The following FAM200B variants were observed in gnomAD, a reference collection of about 807,000 sequenced individuals.
FAM200B encodes zinc finger BED-type containing 11.
Under a neutral mutation model 33.1 loss-of-function variants are expected in FAM200B, and 32 were observed. The ratio of observed to expected loss-of-function variants is 0.97; its 90% CI spans 0.73 to 1.30. The LOEUF (loss-of-function observed/expected upper bound fraction) is 1.30. Ranked by LOEUF, FAM200B falls within the 50% of genes most tolerant of loss-of-function variation. The pLI is 0.00. For missense variants in FAM200B, 741 were observed against 754.0 expected, an observed-to-expected ratio of 0.98 and a Z score of 0.20; for synonymous variants, 240 against 264.8, an observed-to-expected ratio of 0.91 and a Z score of 0.91.
At chr4:15,640,640 T>G in the FAM200B span, 1 of 424,718 alleles carries the variant, frequency 2.4e-6, no homozygotes, top group East Asian at 3.7e-5. Flanking sequence ...TTTTTTCCCT[T>G]GGGTTTTCTT....
the FAM200B span, among the ~76,000 whole-genome samples, chr4:15,655,567 A>T: frequency 6.6e-6 from 1 of 152,074 alleles, no homozygotes; most frequent in Non-Finnish European, 1.5e-5. Context: ...AAGGAACCCA[A>T]ACCTTTTCCC....
chr4:15,653,830 C>G, the FAM200B span, among the ~76,000 whole-genome samples: 4 of 152,196 alleles, frequency 2.6e-5, no homozygotes, highest in African/African-American at 7.2e-5. Context: ...GCATACTGCA[C>G]TCAAATGGAG....
At chr4:15,654,534 C>T in the FAM200B span, among the ~76,000 whole-genome samples, 1 of 152,184 alleles carries the variant, frequency 6.6e-6, no homozygotes. Context: ...ACAAAATCTA[C>T]ATCCAGTAAG....
At chr4:15,671,972 C>T in the FAM200B span, among the ~76,000 whole-genome samples, 1 of 152,146 alleles carries the variant, frequency 6.6e-6, no homozygotes, top group Non-Finnish European at 1.5e-5. Flanking sequence ...CACTTTTTAT[C>T]TCATTATGGG....
the FAM200B span, among the ~76,000 whole-genome samples, chr4:15,660,445 CT>C: frequency 6.6e-6 from 1 of 152,110 alleles, no homozygotes. Flanking sequence ...AAGACACCTC[CT>C]AAAAAATTTA....
the FAM200B span, among the ~76,000 whole-genome samples, chr4:15,643,111 AAAGT>A: frequency 6.6e-6 from 1 of 152,234 alleles, no homozygotes; most frequent in African/African-American, 2.4e-5. Flanking sequence ...ATTCAATAAA[AAAGT>A]AAATCTCCCT....
the FAM200B span, among the ~76,000 whole-genome samples, chr4:15,670,635 C>T: frequency 6.6e-6 from 1 of 151,952 alleles, no homozygotes; most frequent in African/African-American, 2.4e-5. Flanking sequence ...GCCCCTGGGC[C>T]CCTCCCCCCA....
chr4:15,684,366 C>T (rs2148856683), intron 1 of FAM200B, among the ~76,000 whole-genome samples: 1 of 152,308 alleles, frequency 6.6e-6, no homozygotes, highest in Non-Finnish European at 1.5e-5. Flanking sequence ...TCTGGCTTCT[C>T]ATTAAAGCCG....
chr4:15,636,883 A>C, the FAM200B span, among the ~76,000 whole-genome samples: 3 of 152,206 alleles, frequency 2.0e-5, no homozygotes, highest in African/African-American at 7.2e-5. Context: ...TCATGGCCCA[A>C]ATCATACTTC....
At chr4:15,653,706 G>T in the FAM200B span, among the ~76,000 whole-genome samples, 1 of 152,050 alleles carries the variant, frequency 6.6e-6, no homozygotes, top group Non-Finnish European at 1.5e-5. Context: ...AAAAGCCAGA[G>T]AGGATAAAAA....
chr4:15,670,246 AC>A, the FAM200B span, among the ~76,000 whole-genome samples: 1 of 152,234 alleles, frequency 6.6e-6, no homozygotes, highest in Admixed American at 6.5e-5. Flanking sequence ...CTTTGCATGA[AC>A]AAATATTTCA....
In FAM200B at chr4:15,688,866, A is replaced by C; in HGVS notation, c.1889A>C (p.Asn630Thr). Residue 630 changes from asparagine to threonine, a missense_variant, in exon 2 of 2, where the codon AAT (asparagine) becomes ACT (threonine). Physicochemically the swap from Asn to Thr is moderately conservative, Grantham distance 65 (BLOSUM62 0). Transcript: ENST00000422728. ...AAAACAAAGGAAAGAAATGGGCTGA[A>C]TTGTGCAGCAGTTATGCGGGTAGCA... ...QLKTKERNGLNCAAVMRVALS... is the reference protein window; with the variant it reads ...QLKTKERNGLTCAAVMRVALS... 1 of 1,551,436 alleles carries C rather than the reference A, an allele frequency of 6.4e-7. No individual in the cohort carries two copies. The highest frequency in any genetic ancestry group is 1.2e-5 in the South Asian group (1 of 84,044).
the FAM200B span, chr4:15,640,978 G>A: frequency 1.7e-6 from 1 of 582,400 alleles, no homozygotes; most frequent in East Asian, 3.2e-5. Flanking sequence ...AAAACCTCCG[G>A]GGAAAAAAAA....
the FAM200B span, among the ~76,000 whole-genome samples, chr4:15,674,552 T>G: frequency 9.2e-5 from 14 of 152,284 alleles, no homozygotes; most frequent in African/African-American, 3.4e-4. Context: ...CCTTACAAAA[T>G]TATTACTCAT....
chr4:15,638,733 T>G, the FAM200B span: 1 of 1,290,074 alleles, frequency 7.8e-7, no homozygotes, highest in South Asian at 1.3e-5. Context: ...AGATGCTTCA[T>G]TCGTGTTGAT....
chr4:15,654,727 G>A, the FAM200B span, among the ~76,000 whole-genome samples: 2 of 152,224 alleles, frequency 1.3e-5, no homozygotes, highest in Non-Finnish European at 2.9e-5. Flanking sequence ...TGCAGAGGAT[G>A]GGTGGGTGTC....
At chr4:15,680,954 G>A (rs1718228794), upstream of FAM200B, among the ~76,000 whole-genome samples, 1 of 147,008 alleles carries the variant, frequency 6.8e-6, no homozygotes, top group South Asian at 2.1e-4. Flanking sequence ...TATGTTTTTT[G>A]TTTCACATAT....
chr4:15,675,458 TCTAA>T, the FAM200B span, among the ~76,000 whole-genome samples: 5 of 151,976 alleles, frequency 3.3e-5, no homozygotes, highest in South Asian at 2.1e-4. Context: ...ATCTAACCCC[TCTAA>T]CTATTACTTT....
At chr4:15,675,825 C>T in the FAM200B span, among the ~76,000 whole-genome samples, 2 of 152,042 alleles carry the variant, frequency 1.3e-5, no homozygotes, top group Admixed American at 6.6e-5. Context: ...TCAGATGATC[C>T]GCCTGCCTCG....
Sources: gnomAD v4.1 joint callset for allele counts (sites outside exome capture counted in the v4.1 genomes callset) on GRCh38, gnomAD v4.1.1 for gene constraint, MANE v1.5 for transcripts, NCBI Gene and HGNC (gene_info 2026-07-23, HGNC 2026-07-21) for gene names.